CDH18: variants seen among roughly 807,000 people sequenced by gnomAD.
CDH18 encodes cadherin-18.
In CDH18, 31 loss-of-function variants were observed where a neutral mutation model predicts 67.9. The ratio of observed to expected loss-of-function variants is 0.46; its 90% confidence interval spans 0.34 to 0.62. The LOEUF is 0.62. Ranked by LOEUF, CDH18 falls within the 20% of genes least tolerant of loss-of-function variation. CDH18 has a pLI of 0.01. For missense variants in CDH18, 890 were observed against 975.5 expected (o/e 0.91, Z 1.17); for synonymous variants, 362 against 347.2 (o/e 1.04, Z -0.48).
At chr5:19,725,552 C>T (rs892681285) in intron 4 of CDH18, among the ~76,000 whole-genome samples, 2 of 152,106 alleles carry the variant, frequency 1.3e-5, no homozygotes, top group African/African-American at 4.8e-5. Context: ...GGTGGATCAC[C>T]TGAGGTTGGT....
At chr5:19,978,051 T>C (rs944906278) in intron 2 of CDH18, among the ~76,000 whole-genome samples, 2 of 152,094 alleles carry the variant, frequency 1.3e-5, no homozygotes, top group Non-Finnish European at 2.9e-5. Context: ...GGGTAATATG[T>C]TTCTTTTGCA....
chr5:20,343,157 G>A (rs895530715), intron 1 of CDH18, among the ~76,000 whole-genome samples: 28 of 152,168 alleles, frequency 1.8e-4, no homozygotes, highest in East Asian at 3.9e-4. Flanking sequence ...CAAGGTGGGC[G>A]TAGCTACCAT....
chr5:20,131,160 TCTTC>T (rs1341647630), intron 2 of CDH18, among the ~76,000 whole-genome samples: 1 of 152,120 alleles, frequency 6.6e-6, no homozygotes, highest in African/African-American at 2.4e-5. Context: ...AAAAATGTAT[TCTTC>T]CTTCTTCTCT....
chr5:20,010,816 T>C (rs929754850), intron 2 of CDH18, among the ~76,000 whole-genome samples: 3 of 152,162 alleles, frequency 2.0e-5, no homozygotes, highest in African/African-American at 7.2e-5. Flanking sequence ...TAGGCAATCT[T>C]GTCAGAGACC....
intron 2 of CDH18, among the ~76,000 whole-genome samples, chr5:19,890,886 T>C (rs897196900): frequency 1.3e-5 from 2 of 152,150 alleles, no homozygotes; most frequent in African/African-American, 2.4e-5. Flanking sequence ...TTCTTATAGA[T>C]AGATTTGCGT....
intron 5 of CDH18, among the ~76,000 whole-genome samples, chr5:19,637,463 C>G (rs1234641842): frequency 7.2e-5 from 11 of 152,094 alleles, no homozygotes; most frequent in Admixed American, 5.2e-4. Flanking sequence ...TATTTCGCAG[C>G]AGTTACGCCT....
chr5:19,905,159 GT>G (rs1340707792), intron 2 of CDH18, among the ~76,000 whole-genome samples: 1 of 152,114 alleles, frequency 6.6e-6, no homozygotes, highest in East Asian at 1.9e-4. Flanking sequence ...CGATTTCCAA[GT>G]TAGAAATTGG....
At chr5:19,486,578 G>A (rs931878199) in intron 11 of CDH18, among the ~76,000 whole-genome samples, 36 of 152,206 alleles carry the variant, frequency 2.4e-4, no homozygotes, top group African/African-American at 8.4e-4. Flanking sequence ...GATCAACTGA[G>A]GTCAGGAGTT....
intron 2 of CDH18, among the ~76,000 whole-genome samples, chr5:19,930,002 C>T (rs116040584): frequency 1.9e-3 from 289 of 152,010 alleles, no homozygotes; most frequent in African/African-American, 6.3e-3. Context: ...ATGACAGTGA[C>T]AGGGTAAAAG....
chr5:20,541,794 C>T (rs1227342134), intron 1 of CDH18, among the ~76,000 whole-genome samples: 2 of 152,134 alleles, frequency 1.3e-5, no homozygotes, highest in Non-Finnish European at 2.9e-5. Context: ...TGTTGCTATA[C>T]TTCACCATAT....
rs530251192 is a variant in CDH18, at chr5:20,225,675, T to C, written c.-518+29769A>G. 3.9e-4 allele frequency among the ~76,000 whole-genome samples: 59 copies of C among 152,202 alleles called. 1 individual carries two copies. In the South Asian group the frequency reaches 0.012, roughly 31 times the overall value. ...AATTCTGAAGTTAGTAGGGATTCGT[T>C]AGAGCTTCCTGTGATGTCAAGTACA... is the stretch of plus-strand genomic sequence containing the variant. On this transcript the variant is annotated intron_variant, in intron 2 of 14. Transcript: ENST00000507958.
At chr5:19,577,284 C>T (rs1014185005) in intron 7 of CDH18, among the ~76,000 whole-genome samples, 3 of 152,096 alleles carry the variant, frequency 2.0e-5, no homozygotes, top group African/African-American at 4.8e-5. Flanking sequence ...TTTGAAGTAA[C>T]AGACATGTAC....
chr5:20,494,893 C>A (rs1159750405), intron 1 of CDH18, among the ~76,000 whole-genome samples: 1 of 152,064 alleles, frequency 6.6e-6, no homozygotes, highest in South Asian at 2.1e-4. Flanking sequence ...TTGTCCACAG[C>A]CCTGGGTCTT....
At chr5:20,431,426 G>A (rs1346867596) in intron 1 of CDH18, among the ~76,000 whole-genome samples, 2 of 151,108 alleles carry the variant, frequency 1.3e-5, no homozygotes, top group African/African-American at 4.9e-5. Flanking sequence ...CCAGAAAGGT[G>A]GAGGCTGCAG....
intron 2 of CDH18, among the ~76,000 whole-genome samples, chr5:20,150,680 T>C (rs907846068): frequency 2.0e-5 from 3 of 151,994 alleles, no homozygotes; most frequent in Admixed American, 1.3e-4. Flanking sequence ...ATTGAAAATG[T>C]TTATGTGAAG....
intron 2 of CDH18, among the ~76,000 whole-genome samples, chr5:19,917,492 T>C (rs766681432): frequency 1.3e-5 from 2 of 152,150 alleles, no homozygotes; most frequent in Non-Finnish European, 2.9e-5. Context: ...TAGCAAACAC[T>C]GTATATTAAG....
chr5:20,501,564 TATATAA>T (rs1456445160), intron 1 of CDH18, among the ~76,000 whole-genome samples: 1 of 24,478 alleles, frequency 4.1e-5, no homozygotes, highest in African/African-American at 1.3e-4. Context: ...ATAATATATA[TATATAA>T]TATATATATA....
intron 2 of CDH18, among the ~76,000 whole-genome samples, chr5:19,847,733 C>T (rs150850142): frequency 1.1e-3 from 166 of 152,168 alleles, no homozygotes; most frequent in African/African-American, 3.9e-3. Flanking sequence ...CAGAGAAAGA[C>T]TTTCTCCAAC....
At chr5:19,473,809 TCATTAACCACATTCCA>T in intron 12 of CDH18, 93 bp from the exon 13 acceptor site, 1 of 1,030,390 alleles carries the variant, frequency 9.7e-7, no homozygotes, top group Non-Finnish European at 1.4e-6. Context: ...TTCCCATTCG[TCATTAACCACATTCCA>T]GAGTTAGGCT....
Sources: allele counts gnomAD v4.1 joint callset (sites outside exome capture counted in the v4.1 genomes callset), GRCh38; gene constraint gnomAD v4.1.1; transcripts MANE v1.5; gene names NCBI Gene and HGNC (gene_info 2026-07-23, HGNC 2026-07-21).